Variants in DNAH11 observed in about 807,000 individuals in gnomAD.
DNAH11 encodes dynein axonemal heavy chain 11.
Under a neutral mutation model 526.0 loss-of-function variants are expected in DNAH11, and 442 were observed. The ratio of observed to expected loss-of-function variants is 0.84; its 90% CI spans 0.78 to 0.91. The LOEUF (loss-of-function observed/expected upper bound fraction) is 0.91. Ranked by LOEUF, DNAH11 falls within the 40% of genes least tolerant of loss-of-function variation. The pLI, the probability that DNAH11 is intolerant of heterozygous loss-of-function variation, is 0.00. For synonymous variants in DNAH11, 2,461 were observed against 1,935.9 expected, an observed-to-expected ratio of 1.27 and a Z score of -7.12; for missense variants, 6,989 against 5,448.7, an observed-to-expected ratio of 1.28 and a Z score of -8.90.
intron 61 of DNAH11, among the ~76,000 whole-genome samples, chr7:21,797,339 C>T (rs543105302): frequency 2.7e-5 from 4 of 148,658 alleles, no homozygotes; most frequent in African/African-American, 1.0e-4. Context: ...CCTGCCTCAG[C>T]CTCCCGAGTA....
At chr7:21,585,033 A>G (rs1784437765) in intron 9 of DNAH11, among the ~76,000 whole-genome samples, 2 of 151,960 alleles carry the variant, frequency 1.3e-5, no homozygotes, top group Non-Finnish European at 2.9e-5. Flanking sequence ...CATTAGTATG[A>G]ATTCTGTTAT....
chr7:21,569,287 A>G (rs192798993), intron 6 of DNAH11, among the ~76,000 whole-genome samples: 135 of 152,296 alleles, frequency 8.9e-4, no homozygotes, highest in Middle Eastern at 3.4e-3. Context: ...TAAACCTATA[A>G]TTTATATGAG....
rs201883397 is a variant in DNAH11, at chr7:21,893,322, CTCTA to C, written c.12750+659_12750+662del. 7.2e-3 allele frequency among the ~76,000 whole-genome samples: 1,100 copies of C among 152,332 alleles called. 6 individuals carry two copies. Among genetic ancestry groups the C allele is most frequent in the Middle Eastern group, 0.017 (5 of 294 alleles). On this transcript the variant is annotated intron_variant, in intron 77 of 81. Transcript: ENST00000409508. ...CAGCAGTGCGTGTGAGTTCCACTTG[CTCTA>C]TCTTTTTTGTGATTTTGTAAGGGTA...
At chr7:21,755,070 G>T (rs538512432) in intron 54 of DNAH11, among the ~76,000 whole-genome samples, 1 of 152,266 alleles carries the variant, frequency 6.6e-6, no homozygotes, top group South Asian at 2.1e-4. Context: ...CACCTGGCAG[G>T]TCGAGCTAAA....
intron 68 of DNAH11, among the ~76,000 whole-genome samples, chr7:21,857,901 C>T (rs1782914187): frequency 1.3e-5 from 2 of 151,872 alleles, no homozygotes; most frequent in Non-Finnish European, 2.9e-5. Context: ...TCTTAGGACA[C>T]AATAGAAAAT....
In DNAH11 at chr7:21,863,201, A is replaced by G. The variant is rs546697999; in HGVS notation, c.11373+1178A>G. On this transcript the variant is annotated intron_variant, in intron 69 of 81. Coordinates refer to ENST00000409508, the MANE Select transcript of DNAH11 (RefSeq NM_001277115.2). ...TTTGCTTTATGTCTTTTTCTATCCA[A>G]ATGTTAAGGAAAGGTCTATGTCTTA... Among the ~76,000 whole-genome samples, 11 of 152,326 alleles carry G rather than the reference A, an allele frequency of 7.2e-5. No individual in the cohort carries two copies. In the East Asian group the frequency reaches 2.1e-3, roughly 29 times the overall value.
Position 21,617,687 on chromosome 7 carries a change from G to C in DNAH11, c.4164G>C (p.Lys1388Asn). 1 of 1,613,862 alleles carries C rather than the reference G, an allele frequency of 6.2e-7. No homozygotes were observed. ...ACACGGGCCTGGAAGGCACAGTTAAGGACATGACAGCCTCCCTGAGGGCCA... is the reference window on the plus strand; with the variant it reads ...ACACGGGCCTGGAAGGCACAGTTAACGACATGACAGCCTCCCTGAGGGCCA... ...DAYTGLEGTV[K>N]DMTASLRAIT... Residue 1388 changes from lysine to asparagine, a missense_variant, in exon 23 of 82, where the codon AAG becomes AAC. Lys to Asn is a moderately conservative substitution (Grantham distance 94). Transcript: ENST00000409508.
chr7:21,800,387 T>C (rs1583709038), intron 61 of DNAH11, among the ~76,000 whole-genome samples: 1 of 152,120 alleles, frequency 6.6e-6, no homozygotes, highest in South Asian at 2.1e-4. Flanking sequence ...ATCCCAGCAC[T>C]TGGGGAGGCC....
In DNAH11 at chr7:21,884,349, C is replaced by G. The variant is rs1583810401; in HGVS notation, c.12446C>G (p.Thr4149Arg). The G allele has an allele frequency of 9.9e-6, 16 of 1,613,360 alleles. No individual in the cohort carries two copies. The highest frequency in any genetic ancestry group is 1.4e-5 in the Non-Finnish European group (16 of 1,179,614). The part of the protein sequence containing the change: ...FGEIMYGGHI[T>R]DDWDRKLCRV... ...GAGATCATGTATGGAGGCCACATCA[C>G]AGATGACTGGGATCGCAAACTGTGT... The change falls in exon 76 of 82, where the codon ACA becomes AGA. Residue 4149 changes from threonine to arginine, a missense_variant. Thr to Arg is a moderately conservative substitution (Grantham distance 71, BLOSUM62 -1). Transcript: ENST00000409508.
chr7:21,840,355 T>A (rs1782158641), intron 65 of DNAH11, among the ~76,000 whole-genome samples: 1 of 152,208 alleles, frequency 6.6e-6, no homozygotes, highest in African/African-American at 2.4e-5. Flanking sequence ...TTTAAAATAA[T>A]TTCAATTAAA....
At chr7:21,620,430 A>G (rs908295928) in intron 25 of DNAH11, among the ~76,000 whole-genome samples, 6 of 151,272 alleles carry the variant, frequency 4.0e-5, no homozygotes, top group Admixed American at 3.3e-4. Flanking sequence ...CTCTGTTTCT[A>G]TGAGTTCAAC....
At chr7:21,802,888 G>C (rs1344377570) in intron 62 of DNAH11, among the ~76,000 whole-genome samples, 1 of 151,298 alleles carries the variant, frequency 6.6e-6, no homozygotes, top group African/African-American at 2.4e-5. Context: ...TTCTCTTTGG[G>C]GTGAGAGAAA....
intron 72 of DNAH11, among the ~76,000 whole-genome samples, chr7:21,868,348 A>G (rs549602970): frequency 5.9e-5 from 9 of 152,232 alleles, no homozygotes; most frequent in African/African-American, 1.9e-4. Context: ...TTGATTGCGC[A>G]AGGCACTGTC....
At chr7:21,816,091 C>T (rs908454431) in intron 63 of DNAH11, among the ~76,000 whole-genome samples, 47 of 152,140 alleles carry the variant, frequency 3.1e-4, no homozygotes, top group African/African-American at 1.1e-3. Flanking sequence ...TGAATTTTAG[C>T]ATTGCTTATG....
Position 21,765,477 on chromosome 7 carries a change from G to C in DNAH11, c.8990G>C (p.Arg2997Pro), listed in dbSNP as rs35865357. 2 of 1,613,808 alleles carry C rather than the reference G, an allele frequency of 1.2e-6. No individual in the cohort carries two copies. Among genetic ancestry groups the C allele is most frequent in the Non-Finnish European group, 1.7e-6 (2 of 1,179,802 alleles). Residue 2997 changes from arginine to proline, a missense_variant, in exon 55 of 82, where the codon CGG becomes CCG. Transcript: ENST00000409508. ...PVGRTLRVRARKFPAIVNCTA... is the reference protein window; with the variant it reads ...PVGRTLRVRAPKFPAIVNCTA... ...GGTCGCACGCTGAGAGTTAGAGCTCGGAAGTTCCCAGCCATAGTTAACTGC... is the reference window on the plus strand; with the variant it reads ...GGTCGCACGCTGAGAGTTAGAGCTCCGAAGTTCCCAGCCATAGTTAACTGC...
intron 65 of DNAH11, among the ~76,000 whole-genome samples, chr7:21,841,372 T>A (rs1782198052): frequency 6.6e-6 from 1 of 152,174 alleles, no homozygotes; most frequent in South Asian, 2.1e-4. Context: ...ATTTAATGTA[T>A]GTTTAATCAC....
intron 75 of DNAH11, among the ~76,000 whole-genome samples, chr7:21,881,753 T>G (rs1783933623): frequency 6.6e-6 from 1 of 152,232 alleles, no homozygotes; most frequent in African/African-American, 2.4e-5. Flanking sequence ...ATGATTGTTA[T>G]AACTTTTTTG....
rs761820472 is a variant in DNAH11, at chr7:21,601,491, T to C, written c.3521T>C (p.Val1174Ala). The change falls in exon 18 of 82, where the codon GTG becomes GCG. Residue 1174 changes from valine to alanine, a missense_variant. By Grantham distance (64) the Val-to-Ala change is moderately conservative. Transcript: ENST00000409508. ...CATGATGGTTTAGTTGACATCATGG[T>C]GCATCTTCTGGCTGTAAGAAGCCGA... ...GDHDGLVDIM[V>A]HLLAVRSRQR... 6.2e-7 allele frequency: 1 copy of C among 1,613,846 alleles called. No individual in the cohort carries two copies. Among genetic ancestry groups the C allele is most frequent in the South Asian group, 1.1e-5 (1 of 91,078 alleles).
At chr7:21,876,049 A>G (rs1056160759) in intron 74 of DNAH11, among the ~76,000 whole-genome samples, 1 of 151,876 alleles carries the variant, frequency 6.6e-6, no homozygotes, top group African/African-American at 2.4e-5. Flanking sequence ...ATGCACGGCT[A>G]ATTTTTTGAG....
Sources: allele counts gnomAD v4.1 joint callset (sites outside exome capture counted in the v4.1 genomes callset), GRCh38; gene constraint gnomAD v4.1.1; transcripts MANE v1.5; gene names NCBI Gene and HGNC (gene_info 2026-07-23, HGNC 2026-07-21).